VDR: variants seen among roughly 807,000 people sequenced by gnomAD.
The protein encoded by VDR is vitamin D receptor.
A neutral mutation model predicts 39.7 loss-of-function variants in VDR; 19 were observed. The observed-to-expected ratio is 0.48, with a 90% CI of 0.33 to 0.70. VDR has a LOEUF of 0.70. Among genes scored for constraint, VDR ranks in the 30% least tolerant of loss-of-function variants. VDR has a pLI of 0.02. For synonymous variants in VDR, 242 were observed against 215.8 expected, an observed-to-expected ratio of 1.12 and a Z score of -1.07; for missense variants, 442 against 570.5, an observed-to-expected ratio of 0.77 and a Z score of 2.29.
chr12:47,844,338 A>G lies in VDR; in HGVS notation c.*408T>C, dbSNP rs112308011. 3,099 of 327,548 alleles carry G rather than the reference A, an allele frequency of 9.5e-3. 104 individuals are homozygous for G. The highest frequency in any genetic ancestry group is 0.061 in the African/African-American group (2,861 of 47,204). The allele number at this position is 327,548 out of a possible 1,614,324, so 20.3% of individuals were successfully genotyped here. A position where few individuals can be genotyped will look rare whatever the true frequency, so the allele number is the denominator to read the frequency against. The stretch of plus-strand genomic sequence containing the variant: ...AGGGAGACCCCACTAGGCGCTGGAC[A>G]AGCGGGGCCTGCAGTGGGGGGAGGT... On this transcript the variant is annotated 3_prime_UTR_variant, in exon 10 of 10. Coordinates refer to ENST00000549336, the MANE Select transcript of VDR (RefSeq NM_000376.3).
intron 3 of VDR, among the ~76,000 whole-genome samples, chr12:47,877,607 G>A (rs1565626636): frequency 1.3e-5 from 2 of 152,142 alleles, no homozygotes; most frequent in African/African-American, 2.4e-5. Context: ...GCGCTGAGGT[G>A]TGCGTTAGAT....
At chr12:47,885,841 G>A (rs1290120540) in intron 1 of VDR, among the ~76,000 whole-genome samples, 2 of 152,186 alleles carry the variant, frequency 1.3e-5, no homozygotes, top group Non-Finnish European at 2.9e-5. Context: ...GGTTACAGGT[G>A]TGAGCCACGC....
rs550400066 is a variant in VDR at position 47,897,918 on chromosome 12, G to A, written c.-84+7037C>T. Among the ~76,000 whole-genome samples, 556 of 152,304 alleles carry A rather than the reference G, an allele frequency of 3.7e-3. 3 individuals carry two copies. The highest frequency in any genetic ancestry group is 0.013 in the African/African-American group (523 of 41,554). On this transcript the variant is annotated intron_variant, in intron 1 of 9. Coordinates refer to ENST00000549336, the MANE Select transcript of VDR (RefSeq NM_000376.3). ...TCACTGCCCCAGCCCTGTGTGCTTT[G>A]ATTAGCCAGCAAACTCATGGTTCTT...
chr12:47,879,977 G>A (rs1036369562), intron 2 of VDR, among the ~76,000 whole-genome samples: 9 of 152,132 alleles, frequency 5.9e-5, no homozygotes, highest in African/African-American at 2.2e-4. Context: ...CAGCTGGCTT[G>A]ACTCTTTCAT....
At chr12:47,870,045 G>T (rs2189480) in intron 3 of VDR, among the ~76,000 whole-genome samples, 55,725 of 151,976 alleles carry the variant, frequency 0.37, 10,375 homozygotes, top group East Asian at 0.63. Flanking sequence ...AGTGTTCAGG[G>T]TATAGAAAGT....
At chr12:47,880,772 A>G (rs1946131198) in intron 2 of VDR, among the ~76,000 whole-genome samples, 1 of 151,298 alleles carries the variant, frequency 6.6e-6, no homozygotes, top group East Asian at 1.9e-4. Flanking sequence ...TAATAGTGAC[A>G]CTATTGCTAA....
In VDR at chr12:47,844,540, A is replaced by T; in HGVS notation, c.*206T>A. The stretch of plus-strand genomic sequence containing the variant: ...AACAAACAGCAACTCCTCATGGCTG[A>T]GGTCTCAAGGGACCGGGGAAAAGCC... On this transcript the variant is annotated 3_prime_UTR_variant, in exon 10 of 10. Transcript: ENST00000549336. 1.5e-6 allele frequency: 1 copy of T among 674,866 alleles called. No individual in the cohort carries two copies. Among genetic ancestry groups the T allele is most frequent in the Non-Finnish European group, 2.5e-6 (1 of 403,502 alleles). The allele number at this position is 674,866 out of a possible 1,614,324, so 41.8% of individuals were successfully genotyped here. A position where few individuals can be genotyped will look rare whatever the true frequency, so the allele number is the denominator to read the frequency against.
chr12:47,845,245 C>T lies in VDR; in HGVS notation c.1025-240G>A, dbSNP rs113120066. On this transcript the variant is annotated intron_variant, in intron 9 of 9. Transcript: ENST00000549336. ...CGCACCTGGCCCTGTCCCTGCCTGG[C>T]CTTGCTCCCTGTCCATGCTCTGTCC... Among the ~76,000 whole-genome samples, 978 of 152,114 alleles carry T rather than the reference C, an allele frequency of 6.4e-3. 12 individuals are homozygous for T. Among genetic ancestry groups the T allele is most frequent in the African/African-American group, 0.022 (922 of 41,486 alleles).
At chr12:47,871,866 T>A (rs1174640673) in intron 3 of VDR, among the ~76,000 whole-genome samples, 1 of 152,220 alleles carries the variant, frequency 6.6e-6, no homozygotes, top group Non-Finnish European at 1.5e-5. Context: ...GAAGAAGTGT[T>A]CTTTAGCAGA....
intron 3 of VDR, among the ~76,000 whole-genome samples, chr12:47,873,461 A>C (rs916089236): frequency 1.7e-4 from 24 of 137,960 alleles, no homozygotes; most frequent in Admixed American, 1.1e-3. Flanking sequence ...CCTGGGGTTC[A>C]CGCCATTCTC....
chr12:47,898,839 T>C (rs768246153), intron 1 of VDR: 56 of 154,852 alleles, frequency 3.6e-4, no homozygotes, highest in Non-Finnish European at 7.2e-4. Context: ...AAAATCTACA[T>C]AGATGATAAC....
At chr12:47,845,080 C>T in intron 9 of VDR, 75 bp from the exon 10 acceptor site, 1 of 1,595,576 alleles carries the variant, frequency 6.3e-7, no homozygotes, top group South Asian at 1.1e-5. Flanking sequence ...CCACCACCCC[C>T]CACCCACACA....
intron 1 of VDR, among the ~76,000 whole-genome samples, chr12:47,890,473 G>T (rs549703112): frequency 1.3e-5 from 2 of 151,392 alleles, no homozygotes; most frequent in Non-Finnish European, 2.9e-5. Flanking sequence ...GGGAGGAAAC[G>T]GTTGTCACGT....
At chr12:47,900,898 G>A (rs1175886432) in intron 1 of VDR, among the ~76,000 whole-genome samples, 1 of 152,188 alleles carries the variant, frequency 6.6e-6, no homozygotes, top group Non-Finnish European at 1.5e-5. Flanking sequence ...TGCAGAATGA[G>A]GACTTTGTAT....
In VDR at chr12:47,853,217, C is replaced by T. The variant is rs183974804; in HGVS notation, c.755+2413G>A. Among the ~76,000 whole-genome samples the T allele has an allele frequency of 2.6e-5, 4 of 152,018 alleles. No homozygotes were observed. The East Asian group carries it at 7.7e-4, about 29-fold the overall frequency. On this transcript the variant is annotated intron_variant, in intron 7 of 9. Coordinates refer to ENST00000549336, the MANE Select transcript of VDR (RefSeq NM_000376.3). ...CAGCACTTTGGGAGGCCGAGACAGG[C>T]GGATCACGAGGTCAGGAGATCAAGA...
intron 1 of VDR, chr12:47,901,350 C>T (rs12581281): frequency 0.029 from 4,475 of 155,386 alleles, 121 homozygotes; most frequent in East Asian, 0.13. Context: ...GTTTCTCTTC[C>T]ACATGTCGCC....
At chr12:47,864,685 G>T (rs1945692226) in intron 4 of VDR, among the ~76,000 whole-genome samples, 1 of 152,244 alleles carries the variant, frequency 6.6e-6, no homozygotes, top group Admixed American at 6.5e-5. Flanking sequence ...CCGAGTAACA[G>T]GGAGCTGTGA....
intron 4 of VDR, among the ~76,000 whole-genome samples, chr12:47,860,055 C>T (rs150663282): frequency 0.014 from 2,136 of 151,864 alleles, 50 homozygotes; most frequent in African/African-American, 0.048. Flanking sequence ...CTCCACCTCC[C>T]GGGTTCTAAG....
intron 2 of VDR, 136 bp from the exon 3 acceptor site, chr12:47,879,251 C>T (rs960120608): frequency 3.7e-5 from 40 of 1,073,910 alleles, no homozygotes; most frequent in Non-Finnish European, 2.4e-5. Flanking sequence ...CAAGGGTGGG[C>T]ATCTCCCCAG....
Sources: gnomAD v4.1 joint callset for allele counts (sites outside exome capture counted in the v4.1 genomes callset) on GRCh38, gnomAD v4.1.1 for gene constraint, MANE v1.5 for transcripts, NCBI Gene and HGNC (gene_info 2026-07-23, HGNC 2026-07-21) for gene names.